The following PSMA6 variants were observed in gnomAD, a reference collection of about 807,000 sequenced individuals.
PSMA6 encodes proteasome subunit alpha type-6.
For missense variants in PSMA6, 170 were observed against 294.8 expected, an observed-to-expected ratio of 0.58 and a Z score of 3.10; for synonymous variants, 88 against 97.7, an observed-to-expected ratio of 0.90 and a Z score of 0.59.
chr14:35,317,183 C>A, intron 6 of PSMA6, 66 bp from the exon 7 acceptor site: 1 of 1,237,124 alleles, frequency 8.1e-7, no homozygotes. Context: ...TATACTATCC[C>A]ACTTTTACGT....
chr14:35,284,521 G>A (rs748502147), intron 1 of PSMA6, among the ~76,000 whole-genome samples: 10 of 152,276 alleles, frequency 6.6e-5, no homozygotes, highest in Non-Finnish European at 2.9e-5. Flanking sequence ...TGGTGGGGAC[G>A]CTGTCGGGTT....
chr14:35,293,524 G>A (rs1352612612), intron 1 of PSMA6, among the ~76,000 whole-genome samples: 1 of 152,160 alleles, frequency 6.6e-6, no homozygotes, highest in East Asian at 1.9e-4. Context: ...ATCTGTGCTT[G>A]GAATCATAAG....
chr14:35,295,507 A>G (rs1051275200), intron 1 of PSMA6, among the ~76,000 whole-genome samples: 2 of 149,568 alleles, frequency 1.3e-5, no homozygotes, highest in Non-Finnish European at 3.0e-5. Context: ...GCTGGAGTGC[A>G]ATGGCCGTGA....
intron 1 of PSMA6, among the ~76,000 whole-genome samples, chr14:35,299,327 C>CTTTTTTTTTTTTCT (rs2051663367): frequency 1.5e-5 from 1 of 66,008 alleles, no homozygotes; most frequent in East Asian, 4.2e-4. Context: ...TGCCCAGCCT[C>CTTTTTTTTTTTTCT]TTTTTTTTTT....
intron 1 of PSMA6, among the ~76,000 whole-genome samples, chr14:35,295,251 C>G (rs894141371): frequency 1.3e-5 from 2 of 151,322 alleles, no homozygotes; most frequent in Non-Finnish European, 2.9e-5. Flanking sequence ...GCACAAGAAT[C>G]GCTTGAACCT....
chr14:35,305,177 C>G (rs901868969), intron 1 of PSMA6, among the ~76,000 whole-genome samples: 21 of 146,758 alleles, frequency 1.4e-4, no homozygotes, highest in African/African-American at 2.5e-4. Context: ...GGGTCTTGCT[C>G]TGTTGCCCAG....
chr14:35,286,282 C>T (rs562225909), intron 1 of PSMA6, among the ~76,000 whole-genome samples: 2 of 152,230 alleles, frequency 1.3e-5, no homozygotes, highest in African/African-American at 4.8e-5. Context: ...CACCCTTCCC[C>T]ATCTTATTTT....
intron 1 of PSMA6, among the ~76,000 whole-genome samples, chr14:35,306,962 C>T (rs1490553850): frequency 5.3e-5 from 8 of 151,998 alleles, no homozygotes; most frequent in Admixed American, 5.2e-4. Context: ...GCCTGGCCAA[C>T]GTGGTGAAAC....
intron 1 of PSMA6, among the ~76,000 whole-genome samples, chr14:35,285,313 CAG>C (rs1367400937): frequency 3.6e-5 from 5 of 140,304 alleles, no homozygotes; most frequent in Non-Finnish European, 7.5e-5. Context: ...GCACTCTAGC[CAG>C]AGTGACAGAG....
chr14:35,310,140 C>G, intron 3 of PSMA6: 2 of 409,958 alleles, frequency 4.9e-6, no homozygotes, highest in Non-Finnish European at 9.5e-6. Context: ...AAATGAAAAA[C>G]TAATTTAAGC....
At chr14:35,313,236 T>A in intron 5 of PSMA6, 177 bp downstream of exon 5, 1 of 550,502 alleles carries the variant, frequency 1.8e-6, no homozygotes, top group Non-Finnish European at 3.0e-6. Context: ...TTTATTCACT[T>A]AATTCCTTAT....
intron 1 of PSMA6, among the ~76,000 whole-genome samples, chr14:35,306,282 C>G (rs1240614521): frequency 4.6e-5 from 7 of 151,722 alleles, no homozygotes; most frequent in Admixed American, 4.6e-4. Flanking sequence ...CAGAGGCTGT[C>G]CTGGTGGCTC....
At chr14:35,303,981 CT>C (rs987167087) in intron 1 of PSMA6, among the ~76,000 whole-genome samples, 27 of 143,868 alleles carry the variant, frequency 1.9e-4, no homozygotes, top group South Asian at 8.7e-4. Context: ...TAATTTCTTT[CT>C]TTTTTTTTTA....
At chr14:35,278,772 T>C in intron 1 of PSMA6, 1 of 1,517,150 alleles carries the variant, frequency 6.6e-7, no homozygotes, top group Non-Finnish European at 8.8e-7. Context: ...ACTGATTCTT[T>C]GAAAATAAAT....
chr14:35,278,831 A>G, intron 1 of PSMA6: 2 of 1,305,472 alleles, frequency 1.5e-6, no homozygotes, highest in South Asian at 2.7e-5. Flanking sequence ...CTAGAATCCC[A>G]AGTTGCTTTT....
At chr14:35,288,137 A>T (rs1223699989), upstream of PSMA6, among the ~76,000 whole-genome samples, 2 of 152,274 alleles carry the variant, frequency 1.3e-5, no homozygotes, top group Non-Finnish European at 1.5e-5. Flanking sequence ...TGCATATTCA[A>T]CAAATGATTG....
chr14:35,294,829 T>C (rs1011355532), intron 1 of PSMA6, among the ~76,000 whole-genome samples: 5 of 152,122 alleles, frequency 3.3e-5, no homozygotes, highest in Non-Finnish European at 7.4e-5. Context: ...TACTGTCTGT[T>C]TGTAAACTTT....
chr14:35,309,140 A>G, intron 3 of PSMA6, 145 bp downstream of exon 3: 1 of 613,126 alleles, frequency 1.6e-6, no homozygotes. Flanking sequence ...TTCTAAGACT[A>G]GTATCAATAT....
chr14:35,316,959 CTA>C (rs1444113680), intron 6 of PSMA6: 1 of 284,206 alleles, frequency 3.5e-6, no homozygotes, highest in African/African-American at 2.2e-5. Context: ...GAAATATTTT[CTA>C]TCTTAGCTGC....
Sources: allele counts gnomAD v4.1 joint callset (sites outside exome capture counted in the v4.1 genomes callset), GRCh38; gene constraint gnomAD v4.1.1; transcripts MANE v1.5; gene names NCBI Gene and HGNC (gene_info 2026-07-23, HGNC 2026-07-21).